Variants in SPAG16 observed in about 807,000 individuals in gnomAD.
The protein encoded by SPAG16 is sperm associated antigen 16, also known as sperm-associated antigen 16 protein.
In SPAG16, 86 loss-of-function variants were observed where a neutral mutation model predicts 80.4. That is an observed-to-expected ratio of 1.07 (90% CI 0.90 to 1.28). The LOEUF (loss-of-function observed/expected upper bound fraction) is 1.28. Among genes scored for constraint, SPAG16 ranks in the 50% most tolerant of loss-of-function variants. SPAG16 has a pLI of 0.00. For synonymous variants in SPAG16, 294 were observed against 265.9 expected (o/e 1.11, Z -1.03); for missense variants, 870 against 765.3 (o/e 1.14, Z -1.61).
intron 10 of SPAG16, among the ~76,000 whole-genome samples, chr2:213,685,115 G>C (rs2064599031): frequency 6.6e-6 from 1 of 152,192 alleles, no homozygotes; most frequent in South Asian, 2.1e-4. Flanking sequence ...AGACCCTTTG[G>C]CAAGAAGGAG....
intron 10 of SPAG16, among the ~76,000 whole-genome samples, chr2:213,546,076 A>C (rs575924507): frequency 6.6e-6 from 1 of 152,100 alleles, no homozygotes; most frequent in Admixed American, 6.6e-5. Context: ...TAAAAATAAT[A>C]TATCTTGCAA....
At chr2:214,265,207 T>A (rs2125880685) in intron 15 of SPAG16, among the ~76,000 whole-genome samples, 2 of 152,276 alleles carry the variant, frequency 1.3e-5, no homozygotes, top group East Asian at 1.9e-4. Context: ...ATGTACAAAT[T>A]TGTATTCTCA....
chr2:214,252,640 GC>G (rs1463165241), intron 15 of SPAG16, among the ~76,000 whole-genome samples: 2 of 152,090 alleles, frequency 1.3e-5, no homozygotes. Context: ...CATTTTTATA[GC>G]TGCATAGTAT....
chr2:213,833,531 T>TAA (rs1559506315), intron 10 of SPAG16, among the ~76,000 whole-genome samples: 1 of 1,200 alleles, frequency 8.3e-4, no homozygotes, highest in African/African-American at 2.4e-3. Context: ...AATATATATA[T>TAA]TATATATAAT....
intron 10 of SPAG16, among the ~76,000 whole-genome samples, chr2:213,775,864 T>C (rs2069544363): frequency 6.6e-6 from 1 of 152,212 alleles, no homozygotes; most frequent in Non-Finnish European, 1.5e-5. Context: ...GTGTATACCA[T>C]TACAACTAAG....
intron 6 of SPAG16, among the ~76,000 whole-genome samples, 181 bp downstream of exon 6, chr2:213,340,451 G>A (rs1308475201): frequency 7.2e-5 from 11 of 152,110 alleles, no homozygotes; most frequent in Non-Finnish European, 1.5e-5. Flanking sequence ...AGTGGGAGGA[G>A]TTAAGCAGAA....
chr2:213,637,208 T>C (rs944510162), intron 10 of SPAG16, among the ~76,000 whole-genome samples: 2 of 152,240 alleles, frequency 1.3e-5, no homozygotes, highest in Non-Finnish European at 2.9e-5. Flanking sequence ...TCTATTGAGA[T>C]AATCATGTGA....
chr2:213,976,595 A>G (rs1399386476), intron 12 of SPAG16, among the ~76,000 whole-genome samples: 3 of 152,028 alleles, frequency 2.0e-5, no homozygotes, highest in African/African-American at 7.2e-5. Context: ...TGCATGGAGA[A>G]ATTTTCTTCT....
intron 10 of SPAG16, among the ~76,000 whole-genome samples, chr2:213,624,136 T>C (rs954572417): frequency 1.3e-5 from 2 of 152,170 alleles, no homozygotes; most frequent in Non-Finnish European, 2.9e-5. Context: ...AACATCTGCA[T>C]TCTAGATTTT....
At chr2:214,076,545 G>C (rs58314513) in intron 13 of SPAG16, among the ~76,000 whole-genome samples, 27,457 of 112,700 alleles carry the variant, frequency 0.24, 2,601 homozygotes, top group Middle Eastern at 0.32. Flanking sequence ...GTGTGTGTCT[G>C]TGTGTGTGTG....
intron 10 of SPAG16, among the ~76,000 whole-genome samples, chr2:213,530,481 C>T (rs559513759): frequency 6.6e-6 from 1 of 152,164 alleles, no homozygotes; most frequent in South Asian, 2.1e-4. Context: ...TCTTTTTTCT[C>T]AAAATTTATA....
chr2:214,006,120 CTTTTT>C (rs149133832), intron 12 of SPAG16, among the ~76,000 whole-genome samples: 1 of 151,932 alleles, frequency 6.6e-6, no homozygotes, highest in Non-Finnish European at 1.5e-5. Context: ...ATTTTTTAAT[CTTTTT>C]TTCATGTTCA....
intron 10 of SPAG16, among the ~76,000 whole-genome samples, chr2:213,579,160 C>A (rs1308130013): frequency 6.6e-6 from 1 of 152,024 alleles, no homozygotes; most frequent in Non-Finnish European, 1.5e-5. Context: ...CATTTGAGCA[C>A]ACTTTGAGTT....
intron 10 of SPAG16, among the ~76,000 whole-genome samples, chr2:213,583,259 G>C (rs2060354478): frequency 6.6e-6 from 1 of 152,148 alleles, no homozygotes; most frequent in Non-Finnish European, 1.5e-5. Context: ...CAACTTGCCA[G>C]TGCATGAACA....
chr2:213,706,009 A>T (rs2065738761), intron 10 of SPAG16, among the ~76,000 whole-genome samples: 1 of 152,220 alleles, frequency 6.6e-6, no homozygotes, highest in Non-Finnish European at 1.5e-5. Context: ...CAGAGAAAGT[A>T]AGGAAACAAG....
At chr2:213,809,997 C>T (rs2072029532) in intron 10 of SPAG16, among the ~76,000 whole-genome samples, 1 of 152,048 alleles carries the variant, frequency 6.6e-6, no homozygotes, top group Non-Finnish European at 1.5e-5. Context: ...ACCCACGCAT[C>T]GTACGAAAAG....
intron 10 of SPAG16, among the ~76,000 whole-genome samples, chr2:213,816,796 A>G (rs1171070791): frequency 6.6e-6 from 1 of 152,114 alleles, no homozygotes; most frequent in Non-Finnish European, 1.5e-5. Context: ...GCATAATTTC[A>G]TATTTTATTC....
At chr2:214,070,671 T>C (rs541753615) in intron 13 of SPAG16, among the ~76,000 whole-genome samples, 2 of 152,196 alleles carry the variant, frequency 1.3e-5, no homozygotes, top group East Asian at 3.9e-4. Flanking sequence ...TTCCCTCTTT[T>C]GATATATCAA....
intron 9 of SPAG16, among the ~76,000 whole-genome samples, chr2:213,396,916 C>T (rs563300690): frequency 2.0e-5 from 3 of 152,174 alleles, no homozygotes; most frequent in Non-Finnish European, 4.4e-5. Context: ...CCAATATTTC[C>T]CTCTTCTGAC....
Sources: gnomAD v4.1 joint callset for allele counts (sites outside exome capture counted in the v4.1 genomes callset) on GRCh38, gnomAD v4.1.1 for gene constraint, MANE v1.5 for transcripts, NCBI Gene and HGNC (gene_info 2026-07-23, HGNC 2026-07-21) for gene names.